MFN2: variants seen among roughly 807,000 people sequenced by gnomAD.
MFN2 encodes mitofusin 2.
In MFN2, 43 loss-of-function variants were observed where a neutral mutation model predicts 87.5. The ratio of observed to expected loss-of-function variants is 0.49; its 90% CI spans 0.38 to 0.63. MFN2 has a LOEUF of 0.63. Among genes scored for constraint, MFN2 ranks in the 30% least tolerant of loss-of-function variants. The pLI is 0.00. For synonymous variants in MFN2, 337 were observed against 359.9 expected (o/e 0.94, Z 0.72); for missense variants, 743 against 972.8 (o/e 0.76, Z 3.14).
At chr1:11,988,084 TTGTGTGTGTG>T (rs112373136) in intron 2 of MFN2, among the ~76,000 whole-genome samples, 73 of 144,340 alleles carry the variant, frequency 5.1e-4, no homozygotes, top group African/African-American at 1.7e-3. Flanking sequence ...CCAATAGTTT[TTGTGTGTGTG>T]TGTGTGTGTG....
chr1:12,008,786 C>T lies in MFN2; in HGVS notation c.2070-806C>T, dbSNP rs569608886. Among the ~76,000 whole-genome samples the T allele has an allele frequency of 1.5e-3, 223 of 152,250 alleles. 1 individual carries two copies. The highest frequency in any genetic ancestry group is 2.9e-3 in the Non-Finnish European group (195 of 68,014). ...CGATGGGCGGCCAGGCAGAGACGCTCCTCACTTCTCAGACGGGGTGGCGGC... is the reference window on the plus strand; with the variant it reads ...CGATGGGCGGCCAGGCAGAGACGCTTCTCACTTCTCAGACGGGGTGGCGGC... On this transcript the variant is annotated intron_variant, in intron 17 of 18. Transcript: ENST00000235329.
Position 12,004,423 on chromosome 1 carries a change from T to C in MFN2, c.1288-86T>C. 1.7e-6 allele frequency: 2 copies of C among 1,171,058 alleles called. No individual in the cohort carries two copies. The highest frequency in any genetic ancestry group is 2.6e-6 in the Non-Finnish European group (2 of 776,756). 72.5% of individuals were successfully genotyped at this position (1,171,058 alleles called of 1,614,324 possible). A position where few individuals can be genotyped will look rare whatever the true frequency, so the allele number is the denominator to read the frequency against. ...GGCTGCTGGTTTGAGAGGAAGGATG[T>C]GCCATCTGCTAGGATCTCTCCTGGT... On this transcript the variant is annotated intron_variant, in intron 12 of 18. Coordinates refer to ENST00000235329, the MANE Select transcript of MFN2 (RefSeq NM_014874.4). The surrounding 1 kb of genome is among the most constrained non-coding windows in gnomAD (Gnocchi z 4.2).
rs142848213 is a variant in MFN2 at position 12,004,553 on chromosome 1, G to T, written c.1332G>T (p.Leu444=). ...MAEEIRRLSV[L]VDDYQMDFHP... ...AGGAGATCAGGCGCCTCTCTGTACT[G>T]GTGGACGATTACCAGATGGACTTCC... Residue 444 remains leucine, a synonymous_variant, in exon 13 of 19, where the codon CTG becomes CTT. Coordinates refer to ENST00000235329, the MANE Select transcript of MFN2 (RefSeq NM_014874.4). This position sits in a 1 kb window ranked among gnomAD's most constrained non-coding sequence, Gnocchi z 4.2. 1.2e-6 allele frequency: 2 copies of T among 1,614,146 alleles called. No homozygotes were observed. The highest frequency in any genetic ancestry group is 8.5e-7 in the Non-Finnish European group (1 of 1,180,030).
At position 11,980,478 on chromosome 1, in the gene MFN2, G is replaced by A. The variant is rs933622879; in HGVS notation, c.-156G>A. On this transcript the variant is annotated 5_prime_UTR_variant, in exon 1 of 19. Transcript: ENST00000235329. ...GTGATGGCCGCCGCGAGGCCGGGAA[G>A]GTGAAGGTGAGAGGGCGAGCAAGCC... 1 of 398,380 alleles carries A rather than the reference G, an allele frequency of 2.5e-6. No individual in the cohort carries two copies. The highest frequency in any genetic ancestry group is 4.4e-6 in the Non-Finnish European group (1 of 225,862). The allele number at this position is 398,380 out of a possible 1,614,324, so 24.7% of individuals were successfully genotyped here. A position where few individuals can be genotyped will look rare whatever the true frequency, so the allele number is the denominator to read the frequency against.
chr1:12,009,680 A>G lies in MFN2; in HGVS notation c.2158A>G (p.Lys720Glu), dbSNP rs1450205264. 5.6e-6 allele frequency: 9 copies of G among 1,614,108 alleles called. No homozygotes were observed. Among genetic ancestry groups the G allele is most frequent in the South Asian group, 1.1e-5 (1 of 91,090 alleles). ...LEQEIAAMNK[K>E]IEVLDSLQSK... ...GCAGGAAATTGCCGCCATGAACAAGAAAATTGAGGTTCTTGACTCACTTCA... is the reference window on the plus strand; with the variant it reads ...GCAGGAAATTGCCGCCATGAACAAGGAAATTGAGGTTCTTGACTCACTTCA... The change falls in exon 18 of 19, where the codon AAA (lysine) becomes GAA (glutamate). Residue 720 changes from lysine (K) to glutamate (E), a missense_variant. Around this residue, in one of 3 missense-constraint regions of MFN2, gnomAD observed 571 missense variants for 670.7 expected, o/e 0.85. Coordinates refer to ENST00000235329, the MANE Select transcript of MFN2 (RefSeq NM_014874.4).
At chr1:12,008,204 C>A (rs1399006653) in intron 17 of MFN2, among the ~76,000 whole-genome samples, 1 of 152,252 alleles carries the variant, frequency 6.6e-6, no homozygotes, top group African/African-American at 2.4e-5. Context: ...CACATTTCCC[C>A]CTTTTCTATT....
At chr1:11,983,895 A>G (rs1042712130) in intron 2 of MFN2, among the ~76,000 whole-genome samples, 3 of 152,216 alleles carry the variant, frequency 2.0e-5, no homozygotes, top group Non-Finnish European at 2.9e-5. Flanking sequence ...AAAGCAGCTC[A>G]TGCAACACAG....
Position 11,996,322 on chromosome 1 carries a change from A to G in MFN2, c.474+4A>G, listed in dbSNP as rs141974160. 1.8e-4 allele frequency: 286 copies of G among 1,614,016 alleles called. 2 individuals carry two copies. The East Asian group carries it at 6.0e-3, about 34-fold the overall frequency. On this transcript the variant is annotated splice_donor_region_variant and intron_variant, in intron 5 of 18. Transcript: ENST00000235329. ...AGAGGAAAAGAGGAGTGCCAAGGTG[A>G]GGGTGCCAGGCTGGCTGTCAGCCCT...
Position 12,004,314 on chromosome 1 carries a change from T to G in MFN2, c.1288-195T>G, listed in dbSNP as rs890339675. 3.9e-5 allele frequency among the ~76,000 whole-genome samples: 6 copies of G among 152,288 alleles called. No individual in the cohort carries two copies. Among genetic ancestry groups the G allele is most frequent in the Non-Finnish European group, 7.4e-5 (5 of 68,012 alleles). ...GGGCATGTTCCCTTTCCTCTGGACC[T>G]CCACAGATCATGTGGGCGTTTGATC... On this transcript the variant is annotated intron_variant, in intron 12 of 18. Coordinates refer to ENST00000235329, the MANE Select transcript of MFN2 (RefSeq NM_014874.4). The surrounding 1 kb of genome is among the most constrained non-coding windows in gnomAD (Gnocchi z 4.2).
intron 10 of MFN2, 51 bp from the exon 11 acceptor site, chr1:12,001,931 T>C (rs1043350112): frequency 6.2e-7 from 1 of 1,614,140 alleles, no homozygotes; most frequent in South Asian, 1.1e-5. Context: ...TGGCCCTTGG[T>C]TGTAGGCCCC....
chr1:12,006,517 C>A (rs759573522), intron 15 of MFN2, 21 bp from the exon 16 acceptor site: 1 of 1,613,808 alleles, frequency 6.2e-7, no homozygotes, highest in Non-Finnish European at 8.5e-7. Context: ...CCCCTCACCC[C>A]TCTCATGTTT....
chr1:12,003,452 G>A lies in MFN2; in HGVS notation c.1161-540G>A, dbSNP rs964629992. Among the ~76,000 whole-genome samples, 8 of 152,230 alleles carry A rather than the reference G, an allele frequency of 5.3e-5. No homozygotes were observed. The highest frequency in any genetic ancestry group is 1.9e-4 in the African/African-American group (8 of 41,462). ...GGCCAAGGCGGATGGATCACCTGAG[G>A]TCAGGAGTTCAAGACCAGCCTGACC... On this transcript the variant is annotated intron_variant, in intron 11 of 18. Transcript: ENST00000235329. The surrounding 1 kb of genome is among the most constrained non-coding windows in gnomAD (Gnocchi z 4.1).
At chr1:11,988,403 G>GTTTT (rs761186739) in intron 2 of MFN2, among the ~76,000 whole-genome samples, 3 of 137,840 alleles carry the variant, frequency 2.2e-5, no homozygotes, top group Non-Finnish European at 1.6e-5. Flanking sequence ...ATGCCTGGCT[G>GTTTT]TTTTTTTTTT....
chr1:12,005,199 A>C (rs1163625488), intron 14 of MFN2, among the ~76,000 whole-genome samples: 1 of 152,206 alleles, frequency 6.6e-6, no homozygotes, highest in Non-Finnish European at 1.5e-5. Context: ...CTTCTGCTCC[A>C]GCGTCCCGAG....
Position 12,001,779 on chromosome 1 carries a change from C to T in MFN2, c.981C>T (p.Leu327=), listed in dbSNP as rs747677218. 3.1e-6 allele frequency: 5 copies of T among 1,614,162 alleles called. No individual in the cohort carries two copies. The highest frequency in any genetic ancestry group is 3.3e-5 in the Admixed American group (2 of 60,012). ...GTACAATCCTCCTAGGGGGCGCTCT[C>T]GCAGAAGGCTTTCAAGTGAGGATGT... ...AQGMPEGGGA[L]AEGFQVRMFE... is the part of the protein sequence containing the mutation. The change falls in exon 10 of 19, where the codon CTC becomes CTT. Residue 327 remains leucine (L), a synonymous_variant. Coordinates refer to ENST00000235329, the MANE Select transcript of MFN2 (RefSeq NM_014874.4).
At position 12,006,578 on chromosome 1, in the gene MFN2, T is replaced by C; in HGVS notation, c.1757T>C (p.Met586Thr). Residue 586 changes from methionine (M) to threonine (T), a missense_variant, in exon 16 of 19, where the codon ATG becomes ACG. Physicochemically the swap from Met to Thr is moderately conservative, Grantham distance 81. Transcript: ENST00000235329. The stretch of plus-strand genomic sequence containing the variant: ...CCTCTGACGCCAGCCAACCCCAGCA[T>C]GCCCCCACTGCCACAGGGCTCGCTC... The part of the protein sequence containing the change: ...PIPLTPANPS[M>T]PPLPQGSLTQ... The C allele has an allele frequency of 1.9e-6, 3 of 1,614,230 alleles. No individual in the cohort carries two copies. The highest frequency in any genetic ancestry group is 2.5e-6 in the Non-Finnish European group (3 of 1,180,046).
intron 3 of MFN2, among the ~76,000 whole-genome samples, chr1:11,991,923 CAAAAAA>C (rs35314016): frequency 7.8e-4 from 13 of 16,726 alleles, no homozygotes; most frequent in South Asian, 4.3e-3. Flanking sequence ...GACTCCGTCT[CAAAAAA>C]AAAAAAAAAA....
intron 3 of MFN2, among the ~76,000 whole-genome samples, chr1:11,991,778 G>A (rs12066324): frequency 6.6e-6 from 1 of 151,050 alleles, no homozygotes; most frequent in East Asian, 1.9e-4. Context: ...CAAAAAATTA[G>A]CCGGGCGTAG....
chr1:11,981,089 C>T (rs562004001), intron 1 of MFN2, among the ~76,000 whole-genome samples: 1 of 152,338 alleles, frequency 6.6e-6, no homozygotes, highest in East Asian at 1.9e-4. Flanking sequence ...AATCATCTCT[C>T]TCTCTTCTAC....
Sources: allele counts gnomAD v4.1 joint callset (sites outside exome capture counted in the v4.1 genomes callset), GRCh38; gene constraint gnomAD v4.1.1; regional missense constraint gnomAD v4.1.1; non-coding constraint Gnocchi (gnomAD v3.1); transcripts MANE v1.5; gene names NCBI Gene and HGNC (gene_info 2026-07-23, HGNC 2026-07-21).